The following MLLT3 variants were observed in gnomAD, a reference collection of about 807,000 sequenced individuals.
MLLT3 encodes the protein MLLT3 super elongation complex subunit.
Under a neutral mutation model 53.2 loss-of-function variants are expected in MLLT3, and 4 were observed. That is an observed-to-expected ratio of 0.08 (90% confidence interval 0.04 to 0.17). MLLT3 has a LOEUF of 0.17. MLLT3 is among the 10% of genes least tolerant of loss of function. The pLI is 1.00. For missense variants in MLLT3, 569 were observed against 684.0 expected (o/e 0.83, Z 1.87); for synonymous variants, 283 against 230.6 (o/e 1.23, Z -2.06).
At chr9:20,524,678 C>T (rs146453036) in intron 2 of MLLT3, among the ~76,000 whole-genome samples, 1 of 151,956 alleles carries the variant, frequency 6.6e-6, no homozygotes, top group Non-Finnish European at 1.5e-5. Flanking sequence ...GAATGACCCA[C>T]CAAAAGTTTT....
intron 2 of MLLT3, among the ~76,000 whole-genome samples, chr9:20,602,761 T>TACACACACACAC (rs3086486): frequency 1.5e-4 from 22 of 147,184 alleles, no homozygotes; most frequent in East Asian, 4.0e-4. Flanking sequence ...TTAAGTTTGA[T>TACACACACACAC]ACACACACAC....
intron 4 of MLLT3, among the ~76,000 whole-genome samples, chr9:20,419,524 TA>T (rs535459362): frequency 1.1e-4 from 16 of 144,516 alleles, no homozygotes; most frequent in Non-Finnish European, 1.5e-4. Flanking sequence ...TCACTATACT[TA>T]AAAAAAAAGG....
intron 2 of MLLT3, chr9:20,502,424 G>C (rs1382119844): frequency 6.6e-6 from 1 of 152,450 alleles, no homozygotes; most frequent in Non-Finnish European, 1.5e-5. Flanking sequence ...GTATTTTTAA[G>C]AGGTGAAAAA....
chr9:20,609,218 AT>A (rs1196935936), intron 2 of MLLT3, among the ~76,000 whole-genome samples: 2 of 152,010 alleles, frequency 1.3e-5, no homozygotes, highest in African/African-American at 2.4e-5. Flanking sequence ...AACTAAAATT[AT>A]TTTTTCTTTG....
At chr9:20,356,467 G>C (rs1389218578) in intron 8 of MLLT3, among the ~76,000 whole-genome samples, 1 of 151,998 alleles carries the variant, frequency 6.6e-6, no homozygotes, top group East Asian at 1.9e-4. Flanking sequence ...TCAGCGCTGA[G>C]ACCTAGGAGC....
At chr9:20,514,310 A>C (rs1817843865) in intron 2 of MLLT3, among the ~76,000 whole-genome samples, 1 of 152,104 alleles carries the variant, frequency 6.6e-6, no homozygotes, top group South Asian at 2.1e-4. Context: ...TCACAGGGGC[A>C]AAGTCATCTC....
chr9:20,494,114 T>C, intron 2 of MLLT3, among the ~76,000 whole-genome samples: 1 of 152,292 alleles, frequency 6.6e-6, no homozygotes, highest in Non-Finnish European at 1.5e-5. Flanking sequence ...AGCTGAAAAC[T>C]ATTAAAATAT....
intron 2 of MLLT3, among the ~76,000 whole-genome samples, chr9:20,608,650 G>T (rs950296075): frequency 6.6e-6 from 1 of 151,904 alleles, no homozygotes; most frequent in African/African-American, 2.4e-5. Flanking sequence ...AAACGACAAG[G>T]TGGCAAAAAT....
At chr9:20,444,652 CA>C (rs965713569) in intron 4 of MLLT3, among the ~76,000 whole-genome samples, 5 of 152,048 alleles carry the variant, frequency 3.3e-5, no homozygotes, top group African/African-American at 1.2e-4. Flanking sequence ...GGGGGCTGAT[CA>C]TTTCAGCTCA....
At chr9:20,398,550 G>T (rs1247425249) in intron 5 of MLLT3, among the ~76,000 whole-genome samples, 7 of 152,056 alleles carry the variant, frequency 4.6e-5, no homozygotes, top group Admixed American at 4.6e-4. Flanking sequence ...TATACAAGGG[G>T]CATTTTACCC....
At chr9:20,440,502 A>C (rs1005693909) in intron 4 of MLLT3, among the ~76,000 whole-genome samples, 1 of 152,150 alleles carries the variant, frequency 6.6e-6, no homozygotes, top group Non-Finnish European at 1.5e-5. Context: ...AATTTCCCCT[A>C]AAATTGTTTT....
chr9:20,550,030 T>C (rs559731887), intron 2 of MLLT3, among the ~76,000 whole-genome samples: 7 of 152,330 alleles, frequency 4.6e-5, no homozygotes, highest in East Asian at 1.9e-4. Flanking sequence ...AACTAAGGAA[T>C]TGCTTCTAAT....
At chr9:20,490,264 G>C (rs1302141923) in intron 2 of MLLT3, among the ~76,000 whole-genome samples, 1 of 152,182 alleles carries the variant, frequency 6.6e-6, no homozygotes, top group Admixed American at 6.5e-5. Context: ...CTGACCATAG[G>C]ATATGAAGAT....
intron 2 of MLLT3, among the ~76,000 whole-genome samples, chr9:20,601,383 A>G (rs1820416695): frequency 6.6e-6 from 1 of 152,228 alleles, no homozygotes; most frequent in South Asian, 2.1e-4. Flanking sequence ...ACTATAATAA[A>G]TGATCTGCAA....
At chr9:20,622,152 C>T in intron 1 of MLLT3, 93 bp downstream of exon 1, 2 of 1,390,298 alleles carry the variant, frequency 1.4e-6, no homozygotes, top group South Asian at 1.2e-5. Flanking sequence ...CTAATTGGAA[C>T]CGCGGAGCGC....
At chr9:20,523,357 G>A (rs1361516121) in intron 2 of MLLT3, among the ~76,000 whole-genome samples, 2 of 152,170 alleles carry the variant, frequency 1.3e-5, no homozygotes, top group East Asian at 1.9e-4. Flanking sequence ...ATCCAGCAAA[G>A]GAACTTCTTG....
intron 2 of MLLT3, among the ~76,000 whole-genome samples, chr9:20,519,641 A>C (rs1267642889): frequency 6.6e-6 from 1 of 152,224 alleles, no homozygotes; most frequent in Non-Finnish European, 1.5e-5. Flanking sequence ...TCAAAACCAC[A>C]GTGAGAAACC....
intron 5 of MLLT3, among the ~76,000 whole-genome samples, chr9:20,398,032 TTTTA>T (rs1822365097): frequency 6.6e-6 from 1 of 152,144 alleles, no homozygotes; most frequent in Non-Finnish European, 1.5e-5. Flanking sequence ...TACTTGCCCC[TTTTA>T]GTTAGAAACT....
intron 2 of MLLT3, among the ~76,000 whole-genome samples, chr9:20,486,520 C>A (rs1214651712): frequency 6.6e-6 from 1 of 152,116 alleles, no homozygotes; most frequent in Non-Finnish European, 1.5e-5. Flanking sequence ...AACATTAAAG[C>A]ATACTAACTG....
Sources: gnomAD v4.1 joint callset for allele counts (sites outside exome capture counted in the v4.1 genomes callset) on GRCh38, gnomAD v4.1.1 for gene constraint, MANE v1.5 for transcripts, NCBI Gene and HGNC (gene_info 2026-07-23, HGNC 2026-07-21) for gene names.